ESF1: variants seen among roughly 807,000 people sequenced by gnomAD.
The protein encoded by ESF1 is ESF1 homolog.
ESF1 carries 58 observed loss-of-function variants against 92.0 expected under a neutral mutation model. The observed-to-expected ratio is 0.63, with a 90% CI of 0.51 to 0.78. The LOEUF is 0.78. Among genes scored for constraint, ESF1 ranks in the 30% least tolerant of loss-of-function variants. The probability of loss-of-function intolerance (pLI) is 0.00; values close to 1 mark genes in which losing one functional copy is unlikely to be tolerated. For missense variants in ESF1, 922 were observed against 989.1 expected (o/e 0.93, Z 0.91); for synonymous variants, 321 against 313.7 (o/e 1.02, Z -0.24).
intron 9 of ESF1, among the ~76,000 whole-genome samples, chr20:13,756,006 C>G (rs1978875800): frequency 6.6e-6 from 1 of 152,056 alleles, no homozygotes; most frequent in Non-Finnish European, 1.5e-5. Flanking sequence ...TCATACTGAC[C>G]CTCCGTGGTT....
intron 10 of ESF1, 99 bp downstream of exon 10, chr20:13,733,622 T>G: frequency 7.9e-7 from 1 of 1,267,952 alleles, no homozygotes; most frequent in Non-Finnish European, 1.1e-6. Context: ...CCTACTTCAG[T>G]GAGTGGTTAC....
intron 2 of ESF1, among the ~76,000 whole-genome samples, chr20:13,782,173 C>T (rs1344290342): frequency 6.6e-5 from 10 of 152,196 alleles, no homozygotes; most frequent in Non-Finnish European, 1.5e-4. Context: ...CCACCATGTC[C>T]GGCCTACTTA....
chr20:13,723,098 T>G (rs377105934), intron 11 of ESF1, among the ~76,000 whole-genome samples: 7 of 152,338 alleles, frequency 4.6e-5, no homozygotes, highest in African/African-American at 1.7e-4. Context: ...AAATTTCATT[T>G]CCCATTACTT....
intron 2 of ESF1, 47 bp downstream of exon 2, chr20:13,782,457 A>G (rs1165889684): frequency 7.6e-6 from 11 of 1,438,234 alleles, no homozygotes; most frequent in African/African-American, 1.5e-5. Flanking sequence ...ATCAGTATAA[A>G]AATAAATAAT....
rs1979079112 is a variant in ESF1 at position 13,759,865 on chromosome 20, A to G, written c.1667-12T>C. On this transcript the variant is annotated splice_polypyrimidine_tract_variant and intron_variant, in intron 8 of 13. Coordinates refer to ENST00000617257, the MANE Select transcript of ESF1 (RefSeq NM_001276380.2). Reference sequence around the variant, plus strand: ...GACTCCATCATCACCTAATGAAAAAAAAATTCACTTAATACACAGAAACAA... The same window carrying G: ...GACTCCATCATCACCTAATGAAAAAGAAATTCACTTAATACACAGAAACAA... The G allele has an allele frequency of 6.3e-7, 1 of 1,579,430 alleles. No homozygotes were observed. Among genetic ancestry groups the G allele is most frequent in the South Asian group, 1.2e-5 (1 of 85,482 alleles).
Position 13,714,993 on chromosome 20 carries a change from T to A in ESF1, c.2437A>T (p.Ser813Cys). ...ELTQAIKKKESEIEKESQRKS... is the reference protein window; with the variant it reads ...ELTQAIKKKECEIEKESQRKS... ...CTTTGTGATTCCTTTTCAATCTCAC[T>A]CTCTTTTTTCTTTATTGCCTGAGTA... The change falls in exon 14 of 14, where the codon AGT (serine) becomes TGT (cysteine). Residue 813 changes from serine to cysteine, a missense_variant. Coordinates refer to ENST00000617257, the MANE Select transcript of ESF1 (RefSeq NM_001276380.2). 1 of 1,613,966 alleles carries A rather than the reference T, an allele frequency of 6.2e-7. No homozygotes were observed. The highest frequency in any genetic ancestry group is 8.5e-7 in the Non-Finnish European group (1 of 1,179,896).
At chr20:13,772,450 C>G (rs1358485400) in intron 5 of ESF1, 65 bp downstream of exon 5, 1 of 1,236,088 alleles carries the variant, frequency 8.1e-7, no homozygotes. Context: ...TTAAGGTGAC[C>G]AGAATTCTGA....
intron 9 of ESF1, among the ~76,000 whole-genome samples, chr20:13,747,669 A>T (rs1359286817): frequency 6.6e-6 from 1 of 152,110 alleles, no homozygotes; most frequent in Non-Finnish European, 1.5e-5. Flanking sequence ...TTAGGACTTC[A>T]ATAGTCACAT....
At chr20:13,773,255 C>G (rs977712139) in intron 4 of ESF1, among the ~76,000 whole-genome samples, 30 of 152,142 alleles carry the variant, frequency 2.0e-4, no homozygotes. Context: ...TGTTAATGAA[C>G]ACATGCTTTT....
chr20:13,759,779 T>C lies in ESF1; in HGVS notation c.1741A>G (p.Lys581Glu), dbSNP rs1242464926. Residue 581 changes from lysine (K) to glutamate (E), a missense_variant, in exon 9 of 14, where the codon AAA becomes GAA. Transcript: ENST00000617257. ...SQKDDEEQIAKYRQLLQVIQE... is the reference protein window; with the variant it reads ...SQKDDEEQIAEYRQLLQVIQE... The stretch of plus-strand genomic sequence containing the variant: ...ATAACCTGCAAGAGCTGCCTGTATT[T>C]AGCAATTTGTTCTTCATCATCCTTC... 1 of 1,591,052 alleles carries C rather than the reference T, an allele frequency of 6.3e-7. No individual in the cohort carries two copies. The highest frequency in any genetic ancestry group is 8.5e-7 in the Non-Finnish European group (1 of 1,174,046).
At chr20:13,755,904 T>C (rs376950754) in intron 9 of ESF1, among the ~76,000 whole-genome samples, 7 of 152,226 alleles carry the variant, frequency 4.6e-5, no homozygotes, top group African/African-American at 1.7e-4. Flanking sequence ...CAAACCACAA[T>C]AAATGTTAGT....
rs6079145 is a variant in ESF1, at chr20:13,714,817, T to C, written c.*57A>G. 1,231,316 of 1,348,882 alleles carry C rather than the reference T, an allele frequency of 0.91. 562,637 individuals carry two copies. Among genetic ancestry groups the C allele is most frequent in the East Asian group, 1 (42,664 of 42,682 alleles). The allele number at this position is 1,348,882 out of a possible 1,614,324, so 83.6% of individuals were successfully genotyped here. A position where few individuals can be genotyped will look rare whatever the true frequency, so the allele number is the denominator to read the frequency against. ...TGTTCCCAATAAATATTCCCTCCTA[T>C]TATTTTTGTACATTTTAGGAAAAGA... On this transcript the variant is annotated 3_prime_UTR_variant, in exon 14 of 14. Coordinates refer to ENST00000617257, the MANE Select transcript of ESF1 (RefSeq NM_001276380.2).
intron 7 of ESF1, 61 bp downstream of exon 7, chr20:13,769,846 T>C (rs1979601147): frequency 2.8e-6 from 3 of 1,071,898 alleles, no homozygotes; most frequent in South Asian, 1.3e-5. Flanking sequence ...ATAAGTAATA[T>C]ACAAAATCTC....
rs879809785 is a variant in ESF1, at chr20:13,780,622, CCTCTTGGCCTATCAAGAA to C, written c.637+1864_637+1881del. Among the ~76,000 whole-genome samples, 550 of 139,352 alleles carry C rather than the reference CCTCTTGGCCTATCAAGAA, an allele frequency of 3.9e-3. 3 individuals are homozygous for C. The highest frequency in any genetic ancestry group is 8.0e-3 in the South Asian group (38 of 4,748). The allele number at this position is 139,352 out of a possible 152,430, so 91.4% of individuals were successfully genotyped here. On this transcript the variant is annotated intron_variant, in intron 2 of 13. Transcript: ENST00000617257. ...ATCAAGACCTCTTGGCCTATCAAAA[CCTCTTGGCCTATCAAGAA>C]CTCTTGGGCTATCAAGACCTCTTGG...
chr20:13,736,187 T>C (rs2049974291), intron 9 of ESF1, among the ~76,000 whole-genome samples: 1 of 152,160 alleles, frequency 6.6e-6, no homozygotes, highest in South Asian at 2.1e-4. Flanking sequence ...AGATAATTCT[T>C]TGTTGTGACG....
chr20:13,750,322 T>C (rs1043607015), intron 9 of ESF1, among the ~76,000 whole-genome samples: 1 of 152,102 alleles, frequency 6.6e-6, no homozygotes, highest in Admixed American at 6.5e-5. Context: ...CTGGCTAACA[T>C]GGTGAAACCC....
At chr20:13,743,932 C>A (rs1010954161) in intron 9 of ESF1, among the ~76,000 whole-genome samples, 9 of 152,076 alleles carry the variant, frequency 5.9e-5, no homozygotes, top group African/African-American at 2.2e-4. Context: ...AAACTATATA[C>A]AATGGAAAGT....
intron 9 of ESF1, among the ~76,000 whole-genome samples, chr20:13,749,705 A>G (rs1978536325): frequency 1.3e-5 from 2 of 151,934 alleles, no homozygotes; most frequent in Admixed American, 1.3e-4. Flanking sequence ...AGCTCGGACT[A>G]CAGGCACGAG....
At chr20:13,754,427 C>T (rs1019601015) in intron 9 of ESF1, among the ~76,000 whole-genome samples, 3 of 152,146 alleles carry the variant, frequency 2.0e-5, no homozygotes, top group African/African-American at 7.2e-5. Context: ...ATATTCACTA[C>T]CTTGTTGTTC....
Sources: allele counts gnomAD v4.1 joint callset (sites outside exome capture counted in the v4.1 genomes callset), GRCh38; gene constraint gnomAD v4.1.1; transcripts MANE v1.5; gene names NCBI Gene and HGNC (gene_info 2026-07-23, HGNC 2026-07-21).